Variants in TRDN observed in about 807,000 individuals in gnomAD.
TRDN encodes the protein triadin.
TRDN carries 161 observed loss-of-function variants against 149.7 expected under a neutral mutation model. That is an observed-to-expected ratio of 1.08 (90% CI 0.95 to 1.23). TRDN has a LOEUF of 1.23. Ranked by LOEUF, TRDN falls within the 50% of genes most tolerant of loss-of-function variation. The pLI is 0.00. For synonymous variants in TRDN, 294 were observed against 250.5 expected, an observed-to-expected ratio of 1.17 and a Z score of -1.64; for missense variants, 896 against 823.5, an observed-to-expected ratio of 1.09 and a Z score of -1.08.
At chr6:123,525,704 A>G (rs960922078) in intron 5 of TRDN, among the ~76,000 whole-genome samples, 3 of 152,030 alleles carry the variant, frequency 2.0e-5, no homozygotes, top group African/African-American at 4.8e-5. Flanking sequence ...AAGTTTTTTA[A>G]AAAAAACTTG....
At chr6:123,587,874 T>C (rs1194369834) in intron 1 of TRDN, among the ~76,000 whole-genome samples, 1 of 152,106 alleles carries the variant, frequency 6.6e-6, no homozygotes, top group Non-Finnish European at 1.5e-5. Flanking sequence ...ATGTCATCAG[T>C]TAAGGCAGGA....
chr6:123,605,207 A>C, intron 1 of TRDN, among the ~76,000 whole-genome samples: 1 of 143,106 alleles, frequency 7.0e-6, no homozygotes, highest in Non-Finnish European at 1.5e-5. Context: ...TTGTCAAAAT[A>C]AATATTTTAA....
At chr6:123,604,738 T>TGTG (rs1484452061) in intron 1 of TRDN, among the ~76,000 whole-genome samples, 1 of 151,992 alleles carries the variant, frequency 6.6e-6, no homozygotes, top group Admixed American at 6.6e-5. Flanking sequence ...AGAGAGTGTT[T>TGTG]GTGTTGGGAG....
At chr6:123,233,136 G>C (rs2114525838) in intron 38 of TRDN, among the ~76,000 whole-genome samples, 1 of 152,030 alleles carries the variant, frequency 6.6e-6, no homozygotes, top group South Asian at 2.1e-4. Context: ...CAACTAACTG[G>C]CCAAATTGTG....
At chr6:123,251,835 G>T (rs1041429947) in intron 38 of TRDN, among the ~76,000 whole-genome samples, 1 of 151,952 alleles carries the variant, frequency 6.6e-6, no homozygotes, top group Non-Finnish European at 1.5e-5. Flanking sequence ...TCTGGGAGCT[G>T]TGGTTTATAC....
chr6:123,620,525 C>T (rs139833284), intron 1 of TRDN, among the ~76,000 whole-genome samples: 3 of 151,780 alleles, frequency 2.0e-5, no homozygotes, highest in African/African-American at 4.9e-5. Context: ...ATGCTCTTCA[C>T]AGAGTTTTAC....
intron 21 of TRDN, among the ~76,000 whole-genome samples, chr6:123,346,612 C>T (rs1780255382): frequency 6.6e-6 from 1 of 151,906 alleles, no homozygotes; most frequent in South Asian, 2.1e-4. Flanking sequence ...GACAGAGTGT[C>T]TCTCCTGTGG....
intron 21 of TRDN, among the ~76,000 whole-genome samples, chr6:123,347,585 AAAT>A (rs1390232839): frequency 6.6e-6 from 1 of 152,100 alleles, no homozygotes; most frequent in Non-Finnish European, 1.5e-5. Context: ...TAGTAGATTT[AAAT>A]AATATTTTAA....
intron 21 of TRDN, among the ~76,000 whole-genome samples, chr6:123,347,511 G>A (rs1780299972): frequency 6.6e-6 from 1 of 151,864 alleles, no homozygotes; most frequent in Non-Finnish European, 1.5e-5. Flanking sequence ...TTATTCCTGA[G>A]ATATTTTTGA....
At position 123,256,026 on chromosome 6, in the gene TRDN, GT is replaced by G. The variant is rs1776546270; in HGVS notation, c.1871-125del. On this transcript the variant is annotated intron_variant, in intron 35 of 40. Transcript: ENST00000334268. ...ACATAGGTATACATGTGTCATGGTGGTTTGCTGCACCCGTCAACCCATCATC... is the reference window on the plus strand; with the variant it reads ...ACATAGGTATACATGTGTCATGGTGGTTGCTGCACCCGTCAACCCATCATC... 4.7e-6 allele frequency: 2 copies of G among 430,016 alleles called. 1 individual carries two copies. Among genetic ancestry groups the G allele is most frequent in the African/African-American group, 4.2e-5 (2 of 48,014 alleles). The allele number at this position is 430,016 out of a possible 1,614,324, so 26.6% of individuals were successfully genotyped here.
chr6:123,576,824 G>C lies in TRDN; in HGVS notation c.23-5692C>G, dbSNP rs944840017. ...CACTAGAAAAAGAAATTCACTTAAT[G>C]GAACAGTGGATTGAGTGAAATTCAC... On this transcript the variant is annotated intron_variant, in intron 1 of 40. Transcript: ENST00000334268. Among the ~76,000 whole-genome samples, 6 of 152,050 alleles carry C rather than the reference G, an allele frequency of 3.9e-5. No homozygotes were observed. In the South Asian group the frequency reaches 6.2e-4, roughly 16 times the overall value.
intron 24 of TRDN, among the ~76,000 whole-genome samples, chr6:123,308,682 G>T (rs1778704792): frequency 6.6e-6 from 1 of 151,920 alleles, no homozygotes; most frequent in Non-Finnish European, 1.5e-5. Flanking sequence ...GCAACTTCTA[G>T]TTAATCACCT....
chr6:123,517,316 A>G (rs1417222390), intron 5 of TRDN, among the ~76,000 whole-genome samples: 1 of 152,114 alleles, frequency 6.6e-6, no homozygotes, highest in African/African-American at 2.4e-5. Flanking sequence ...CAGAAGTTGA[A>G]GCAGGATGTC....
At chr6:123,341,800 A>C (rs9375246) in intron 21 of TRDN, among the ~76,000 whole-genome samples, 28,227 of 151,946 alleles carry the variant, frequency 0.19, 3,575 homozygotes, top group East Asian at 0.63. Context: ...GAGCTTCCTT[A>C]AATTACACTT....
chr6:123,566,526 A>G (rs970350555), intron 2 of TRDN, among the ~76,000 whole-genome samples: 2 of 152,344 alleles, frequency 1.3e-5, no homozygotes, highest in Middle Eastern at 3.4e-3. Context: ...TCATTTCTCT[A>G]TGAACAACCT....
chr6:123,630,599 G>GA (rs138913219), intron 1 of TRDN, among the ~76,000 whole-genome samples: 3 of 151,154 alleles, frequency 2.0e-5, no homozygotes, highest in Admixed American at 6.6e-5. Flanking sequence ...AAATAAATAG[G>GA]AAAAAAAATA....
At chr6:123,388,612 G>A in intron 13 of TRDN, 61 bp from the exon 14 acceptor site, 2 of 1,530,382 alleles carry the variant, frequency 1.3e-6, no homozygotes, top group Non-Finnish European at 1.8e-6. Context: ...ATACTCCCCA[G>A]AATATGAGAA....
intron 19 of TRDN, among the ~76,000 whole-genome samples, chr6:123,372,071 G>A (rs1369966379): frequency 6.6e-6 from 1 of 152,034 alleles, no homozygotes; most frequent in Non-Finnish European, 1.5e-5. Context: ...TGCAGTGTGT[G>A]GTCTAGAGAC....
intron 24 of TRDN, among the ~76,000 whole-genome samples, chr6:123,311,858 C>T (rs1232323929): frequency 2.0e-5 from 3 of 151,648 alleles, no homozygotes; most frequent in East Asian, 1.9e-4. Flanking sequence ...TGTATGACAG[C>T]GTCAATCAAA....
Sources: allele counts gnomAD v4.1 joint callset (sites outside exome capture counted in the v4.1 genomes callset), GRCh38; gene constraint gnomAD v4.1.1; transcripts MANE v1.5; gene names NCBI Gene and HGNC (gene_info 2026-07-23, HGNC 2026-07-21).